The following GSE1 variants were observed in gnomAD, a reference collection of about 807,000 sequenced individuals.
The protein encoded by GSE1 is Gse1 coiled-coil protein.
Under a neutral mutation model 112.6 loss-of-function variants are expected in GSE1, and 32 were observed. The observed-to-expected ratio is 0.28, with a 90% CI of 0.21 to 0.38. The LOEUF (loss-of-function observed/expected upper bound fraction) is 0.38. Ranked by LOEUF, GSE1 falls within the 10% of genes least tolerant of loss-of-function variation. The pLI is 1.00. For synonymous variants in GSE1, 1,115 were observed against 735.6 expected, an observed-to-expected ratio of 1.52 and a Z score of -8.35; for missense variants, 2,348 against 1,699.2, an observed-to-expected ratio of 1.38 and a Z score of -6.71.
intron 1 of GSE1, among the ~76,000 whole-genome samples, chr16:85,275,041 C>CT (rs761136035): frequency 2.3e-4 from 35 of 152,346 alleles, no homozygotes; most frequent in Admixed American, 3.9e-4. Context: ...AGCCAGGAGT[C>CT]TGTCAGGTGT....
chr16:85,232,183 C>G (rs1904293679), intron 1 of GSE1, among the ~76,000 whole-genome samples: 2 of 152,230 alleles, frequency 1.3e-5, no homozygotes, highest in African/African-American at 2.4e-5. Flanking sequence ...CACAGCGAGC[C>G]AAGCATTTTT....
rs577078929 is a variant in GSE1 at position 85,387,345 on chromosome 16, C to T, written c.2464+29702C>T. Among the ~76,000 whole-genome samples, 230 of 152,322 alleles carry T rather than the reference C, an allele frequency of 1.5e-3. 1 individual carries two copies. The highest frequency in any genetic ancestry group is 1.9e-3 in the Non-Finnish European group (130 of 68,016). ...CGCTGGGAGTGCTGCGAGGTCTGGC[C>T]TCAGCCTCCCTCCTAGCCCCCCTCC... On this transcript the variant is annotated intron_variant, in intron 2 of 2. Coordinates refer to the GSE1 transcript ENST00000637419.
chr16:85,324,509 CAAAAA>C (rs58493568), intron 1 of GSE1, among the ~76,000 whole-genome samples: 2 of 98,100 alleles, frequency 2.0e-5, no homozygotes. Context: ...GACTCCCTCT[CAAAAA>C]AAAAAAAAAA....
chr16:85,560,469 C>T (rs1489906075), intron 1 of GSE1, among the ~76,000 whole-genome samples: 1 of 152,130 alleles, frequency 6.6e-6, no homozygotes, highest in Admixed American at 6.5e-5. Context: ...GTCTTTGGAC[C>T]AGGCCTCTTG....
intron 1 of GSE1, among the ~76,000 whole-genome samples, chr16:85,305,944 G>A (rs1055467344): frequency 2.6e-5 from 4 of 152,078 alleles, no homozygotes; most frequent in Non-Finnish European, 4.4e-5. Context: ...ACAAAAATTA[G>A]CCGGATGGTA....
At chr16:85,425,685 G>A (rs563348022) in intron 2 of GSE1, among the ~76,000 whole-genome samples, 20 of 141,156 alleles carry the variant, frequency 1.4e-4, no homozygotes, top group African/African-American at 5.1e-4. Context: ...ATGCAGCCCC[G>A]CTTACCCATC....
intron 2 of GSE1, among the ~76,000 whole-genome samples, chr16:85,466,339 GC>G (rs1381449591): frequency 6.6e-6 from 1 of 152,190 alleles, no homozygotes; most frequent in Non-Finnish European, 1.5e-5. Context: ...AGGAGGAGTG[GC>G]CCCCAGGACC....
chr16:85,285,143 C>A (rs2044980895), intron 1 of GSE1: 1 of 152,276 alleles, frequency 6.6e-6, no homozygotes, highest in South Asian at 2.1e-4. Context: ...ATGTCACTTA[C>A]ACTGAGTGAT....
At chr16:85,424,042 C>G (rs1025146389) in intron 2 of GSE1, among the ~76,000 whole-genome samples, 19 of 152,260 alleles carry the variant, frequency 1.2e-4, no homozygotes, top group African/African-American at 4.3e-4. Context: ...AGAGCCTCCT[C>G]CATCCATGCC....
chr16:85,656,032 G>T (rs1237357128), intron 6 of GSE1, 115 bp downstream of exon 6: 2 of 821,554 alleles, frequency 2.4e-6, no homozygotes, highest in East Asian at 2.7e-5. Context: ...TGTCCTCACA[G>T]TTTGTCCACC....
intron 1 of GSE1, among the ~76,000 whole-genome samples, chr16:85,321,945 G>T (rs908096564): frequency 6.6e-6 from 1 of 152,200 alleles, no homozygotes. Flanking sequence ...CTGGGGTAGA[G>T]CCAGACCCCA....
chr16:85,602,857 C>T (rs1014110543), intron 1 of GSE1, among the ~76,000 whole-genome samples: 2 of 152,244 alleles, frequency 1.3e-5, no homozygotes, highest in Non-Finnish European at 2.9e-5. Flanking sequence ...GCTGCCCTTG[C>T]CCTCCCCCGC....
chr16:85,497,565 C>T (rs2051222414), intron 2 of GSE1, among the ~76,000 whole-genome samples: 1 of 152,172 alleles, frequency 6.6e-6, no homozygotes, highest in African/African-American at 2.4e-5. Flanking sequence ...CTATTTTTCT[C>T]CTAACTGCCA....
chr16:85,456,081 A>T (rs946345401), intron 2 of GSE1, among the ~76,000 whole-genome samples: 9 of 152,170 alleles, frequency 5.9e-5, no homozygotes, highest in African/African-American at 2.2e-4. Flanking sequence ...CCTCCCTCTC[A>T]ACTCATCCTC....
intron 2 of GSE1, among the ~76,000 whole-genome samples, chr16:85,435,057 C>T (rs1211673740): frequency 2.0e-5 from 3 of 152,248 alleles, no homozygotes; most frequent in Non-Finnish European, 4.4e-5. Context: ...TCTTGATGCG[C>T]TTAATCATTT....
chr16:85,213,294 A>G (rs1168405323), intron 1 of GSE1, among the ~76,000 whole-genome samples: 1 of 151,664 alleles, frequency 6.6e-6, no homozygotes, highest in African/African-American at 2.4e-5. Flanking sequence ...GAAAAAGAAA[A>G]AGTTAGCCAG....
chr16:85,608,332 CGCCCCTT>C (rs2047804157), upstream of GSE1, among the ~76,000 whole-genome samples: 1 of 152,136 alleles, frequency 6.6e-6, no homozygotes, highest in South Asian at 2.1e-4. Flanking sequence ...CTTAGCCCCC[CGCCCCTT>C]GCCCCTGCAC....
chr16:85,429,520 C>T (rs2151757077), intron 2 of GSE1, among the ~76,000 whole-genome samples: 1 of 152,312 alleles, frequency 6.6e-6, no homozygotes, highest in African/African-American at 2.4e-5. Flanking sequence ...TGCCCAGAAC[C>T]TTCCTGTGGC....
At chr16:85,608,869 C>T (rs78323107), upstream of GSE1, among the ~76,000 whole-genome samples, 2,656 of 152,322 alleles carry the variant, frequency 0.017, 62 homozygotes, top group South Asian at 0.052. Flanking sequence ...ACAAGGTGCC[C>T]AGGCAACATA....
Sources: gnomAD v4.1 joint callset for allele counts (sites outside exome capture counted in the v4.1 genomes callset) on GRCh38, gnomAD v4.1.1 for gene constraint, MANE v1.5 for transcripts, NCBI Gene and HGNC (gene_info 2026-07-23, HGNC 2026-07-21) for gene names.